The following AMN1 variants were observed in gnomAD, a reference collection of about 807,000 sequenced individuals.
The protein encoded by AMN1 is protein AMN1 homolog.
AMN1 carries 20 observed loss-of-function variants against 33.0 expected under a neutral mutation model. That is an observed-to-expected ratio of 0.61 (90% CI 0.43 to 0.88). The LOEUF (loss-of-function observed/expected upper bound fraction) is 0.88, where lower values mean the gene tolerates loss of function less well. AMN1 is among the 40% of genes least tolerant of loss of function. The probability of loss-of-function intolerance (pLI) is 0.00; values close to 1 mark genes in which losing one functional copy is unlikely to be tolerated. For synonymous variants in AMN1, 114 were observed against 111.9 expected, an observed-to-expected ratio of 1.02 and a Z score of -0.12; for missense variants, 246 against 307.4, an observed-to-expected ratio of 0.80 and a Z score of 1.49.
chr12:31,676,592 A>G (rs186181189), intron 6 of AMN1, among the ~76,000 whole-genome samples: 2,370 of 150,520 alleles, frequency 0.016, 85 homozygotes, highest in African/African-American at 0.047. Flanking sequence ...AAAGTGCTGC[A>G]ATTACAGGTG....
chr12:31,682,028 G>C (rs1938038470), intron 6 of AMN1, among the ~76,000 whole-genome samples: 1 of 152,112 alleles, frequency 6.6e-6, no homozygotes, highest in African/African-American at 2.4e-5. Context: ...TCAGGGATCA[G>C]AAAAATAACA....
intron 6 of AMN1, among the ~76,000 whole-genome samples, chr12:31,678,271 T>TA (rs1937828832): frequency 6.6e-6 from 1 of 152,156 alleles, no homozygotes; most frequent in Non-Finnish European, 1.5e-5. Flanking sequence ...TCCCAACCTC[T>TA]AAGGAACTGT....
intron 3 of AMN1, among the ~76,000 whole-genome samples, chr12:31,698,725 A>T (rs1388084400): frequency 6.6e-6 from 1 of 151,730 alleles, no homozygotes. Flanking sequence ...ACTGTTTTCC[A>T]TATCTTAAGA....
chr12:31,707,027 G>A (rs551114443), intron 2 of AMN1, among the ~76,000 whole-genome samples: 13 of 151,892 alleles, frequency 8.6e-5, no homozygotes, highest in East Asian at 1.9e-4. Flanking sequence ...ACCATAAAAA[G>A]GTGAATTGGA....
chr12:31,705,105 T>C (rs967403388), intron 2 of AMN1, among the ~76,000 whole-genome samples: 1 of 151,848 alleles, frequency 6.6e-6, no homozygotes, highest in Non-Finnish European at 1.5e-5. Flanking sequence ...ATGAAGAAAA[T>C]AAAGCATTAT....
chr12:31,676,121 G>C (rs1168254643), intron 6 of AMN1, among the ~76,000 whole-genome samples: 2 of 151,412 alleles, frequency 1.3e-5, no homozygotes, highest in Admixed American at 6.6e-5. Context: ...AGAATACTTA[G>C]GAATAAATCA....
At chr12:31,689,764 T>C (rs534163520) in intron 5 of AMN1, among the ~76,000 whole-genome samples, 4 of 152,236 alleles carry the variant, frequency 2.6e-5, no homozygotes, top group Non-Finnish European at 4.4e-5. Flanking sequence ...TTAAATTTTT[T>C]AAAAATTTCC....
At chr12:31,716,822 A>G (rs1292278551) in intron 1 of AMN1, among the ~76,000 whole-genome samples, 7 of 152,170 alleles carry the variant, frequency 4.6e-5, no homozygotes. Flanking sequence ...TCTTTTGCTG[A>G]AGAGAAGTAC....
chr12:31,700,098 C>T (rs1423224995), intron 3 of AMN1, among the ~76,000 whole-genome samples: 5 of 151,662 alleles, frequency 3.3e-5, no homozygotes, highest in Non-Finnish European at 7.4e-5. Context: ...TACTCAACTA[C>T]CCACACAGTT....
chr12:31,682,047 T>C (rs1938039122), intron 6 of AMN1, among the ~76,000 whole-genome samples: 1 of 152,206 alleles, frequency 6.6e-6, no homozygotes, highest in African/African-American at 2.4e-5. Flanking sequence ...CATTTTAAAA[T>C]GTGATGGAGT....
intron 6 of AMN1, among the ~76,000 whole-genome samples, chr12:31,678,168 C>A: frequency 6.6e-6 from 1 of 152,108 alleles, no homozygotes; most frequent in Middle Eastern, 3.2e-3. Context: ...ACCAAATAAA[C>A]CTGTTACGCC....
chr12:31,672,469 A>G, intron 6 of AMN1, 92 bp from the exon 7 acceptor site: 1 of 903,766 alleles, frequency 1.1e-6, no homozygotes. Flanking sequence ...TAATTATTAT[A>G]CAGTTATTTA....
At chr12:31,673,771 A>T (rs1414331796) in intron 6 of AMN1, 14 of 292,816 alleles carry the variant, frequency 4.8e-5, no homozygotes, top group Non-Finnish European at 5.5e-5. Flanking sequence ...AAAGGATTAC[A>T]TACCATGACC....
Position 31,672,200 on chromosome 12 carries a change from T to G in AMN1, c.*104A>C, listed in dbSNP as rs1329189776. 1 of 760,674 alleles carries G rather than the reference T, an allele frequency of 1.3e-6. No homozygotes were observed. Among genetic ancestry groups the G allele is most frequent in the Non-Finnish European group, 2.2e-6 (1 of 452,492 alleles). The allele number at this position is 760,674 out of a possible 1,614,324, so 47.1% of individuals were successfully genotyped here. Reference sequence around the variant, plus strand: ...TTATAACTTAAGACAATAAAATAATTAAAAATAGTGTTAACATTAAGTAGA... The same window carrying G: ...TTATAACTTAAGACAATAAAATAATGAAAAATAGTGTTAACATTAAGTAGA... On this transcript the variant is annotated 3_prime_UTR_variant, in exon 7 of 7. Coordinates refer to ENST00000281471, the MANE Select transcript of AMN1 (RefSeq NM_001113402.2).
intron 2 of AMN1, among the ~76,000 whole-genome samples, chr12:31,708,136 G>A (rs1767687422): frequency 3.3e-5 from 5 of 152,192 alleles, no homozygotes; most frequent in African/African-American, 1.2e-4. Flanking sequence ...AGGTCTGACT[G>A]CCTGCGGGGT....
At chr12:31,696,605 T>C (rs1170098241) in intron 5 of AMN1, among the ~76,000 whole-genome samples, 1 of 152,102 alleles carries the variant, frequency 6.6e-6, no homozygotes, top group Non-Finnish European at 1.5e-5. Context: ...GCATTAGTGA[T>C]TCAATTCAAA....
rs1242060788 is a variant in AMN1, at chr12:31,687,237, A to C, written c.703+1770T>G. On this transcript the variant is annotated intron_variant, in intron 6 of 6. Coordinates refer to ENST00000281471, the MANE Select transcript of AMN1 (RefSeq NM_001113402.2). This position sits in a 1 kb window ranked among gnomAD's most constrained non-coding sequence, Gnocchi z 4.1. ...GTCTTTGCATAAAGATCTAATCTTC[A>C]CTACAGATGTCACTGATACCCAGAT... is the stretch of plus-strand genomic sequence containing the variant. Among the ~76,000 whole-genome samples, 3 of 152,210 alleles carry C rather than the reference A, an allele frequency of 2.0e-5. No homozygotes were observed. The highest frequency in any genetic ancestry group is 2.9e-5 in the Non-Finnish European group (2 of 68,038).
intron 2 of AMN1, among the ~76,000 whole-genome samples, chr12:31,706,362 C>T (rs1313926659): frequency 6.7e-6 from 1 of 148,974 alleles, no homozygotes; most frequent in Non-Finnish European, 1.5e-5. Flanking sequence ...CTACAACTGT[C>T]TTGGTAAATT....
intron 6 of AMN1, among the ~76,000 whole-genome samples, chr12:31,678,428 ACC>A (rs1937836091): frequency 1.3e-5 from 2 of 150,510 alleles, no homozygotes; most frequent in Non-Finnish European, 3.0e-5. Context: ...ACAGAGTCTC[ACC>A]CTGTCGCCTA....
Sources: allele counts gnomAD v4.1 joint callset (sites outside exome capture counted in the v4.1 genomes callset), GRCh38; gene constraint gnomAD v4.1.1; non-coding constraint Gnocchi (gnomAD v3.1); transcripts MANE v1.5; gene names NCBI Gene and HGNC (gene_info 2026-07-23, HGNC 2026-07-21).